Variants in LRRTM4 observed in about 807,000 individuals in gnomAD.
LRRTM4 encodes leucine-rich repeat transmembrane neuronal protein 4.
Under a neutral mutation model 47.6 loss-of-function variants are expected in LRRTM4, and 25 were observed. The ratio of observed to expected loss-of-function variants is 0.53; its 90% CI spans 0.38 to 0.73. The LOEUF (loss-of-function observed/expected upper bound fraction) is 0.73, where lower values mean the gene tolerates loss of function less well. Ranked by LOEUF, LRRTM4 falls within the 30% of genes least tolerant of loss-of-function variation. The probability of loss-of-function intolerance (pLI) is 0.00; values close to 1 mark genes in which losing one functional copy is unlikely to be tolerated. For missense variants in LRRTM4, 638 were observed against 713.4 expected, an observed-to-expected ratio of 0.89 and a Z score of 1.20; for synonymous variants, 311 against 269.5, an observed-to-expected ratio of 1.15 and a Z score of -1.51.
At chr2:77,275,810 A>G (rs1402438204) in intron 3 of LRRTM4, among the ~76,000 whole-genome samples, 1 of 152,084 alleles carries the variant, frequency 6.6e-6, no homozygotes, top group African/African-American at 2.4e-5. Flanking sequence ...AAAGAGATAA[A>G]TAATATAGAT....
At chr2:76,797,895 C>T (rs1197972393) in intron 3 of LRRTM4, among the ~76,000 whole-genome samples, 1 of 151,448 alleles carries the variant, frequency 6.6e-6, no homozygotes, top group Non-Finnish European at 1.5e-5. Flanking sequence ...GTAAAGGGAT[C>T]AATTCAACAA....
At chr2:77,243,904 A>G (rs1206701663) in intron 3 of LRRTM4, among the ~76,000 whole-genome samples, 6 of 136,438 alleles carry the variant, frequency 4.4e-5, no homozygotes, top group South Asian at 2.4e-4. Context: ...ATATCTCCCA[A>G]TGCTATCCCT....
At chr2:76,784,791 TTTTA>T (rs77563729) in intron 3 of LRRTM4, among the ~76,000 whole-genome samples, 18,522 of 152,086 alleles carry the variant, frequency 0.12, 1,426 homozygotes, top group Non-Finnish European at 0.18. Flanking sequence ...TTGTATGGTT[TTTTA>T]TTTATTTGTT....
intron 3 of LRRTM4, among the ~76,000 whole-genome samples, chr2:77,177,044 A>G (rs4396753): frequency 0.68 from 103,411 of 152,076 alleles, 35,561 homozygotes; most frequent in African/African-American, 0.8. Flanking sequence ...CCCTTTCCTA[A>G]GAAACTCATA....
chr2:77,073,676 G>A (rs972251453), intron 3 of LRRTM4, among the ~76,000 whole-genome samples: 2 of 152,018 alleles, frequency 1.3e-5, no homozygotes, highest in Middle Eastern at 3.2e-3. Context: ...GGTATAATGA[G>A]TGAATGTGAA....
intron 3 of LRRTM4, among the ~76,000 whole-genome samples, chr2:76,881,853 C>T (rs937138359): frequency 5.9e-5 from 9 of 152,068 alleles, no homozygotes; most frequent in African/African-American, 2.2e-4. Context: ...TATTCTAACA[C>T]TGAACTTTTT....
Position 77,182,552 on chromosome 2 carries a change from T to TA in LRRTM4, c.1551+335765dup, listed in dbSNP as rs112529374. 5.7e-4 allele frequency among the ~76,000 whole-genome samples: 86 copies of TA among 151,914 alleles called. 1 individual carries two copies. The highest frequency in any genetic ancestry group is 1.7e-3 in the African/African-American group (69 of 41,444). On this transcript the variant is annotated intron_variant, in intron 3 of 3. Coordinates refer to ENST00000409884, the MANE Select transcript of LRRTM4 (RefSeq NM_001134745.3). ...TGTATCCTGGAACTTAAAGTAAAAT[T>TA]AAAAAAAACATAATAGCTTAAGGAG... is the stretch of plus-strand genomic sequence containing the variant.
At chr2:76,926,182 G>A (rs1003281642) in intron 3 of LRRTM4, among the ~76,000 whole-genome samples, 3 of 152,120 alleles carry the variant, frequency 2.0e-5, no homozygotes, top group African/African-American at 7.2e-5. Context: ...TATTTAAAGT[G>A]ATTGAGGAAA....
intron 3 of LRRTM4, among the ~76,000 whole-genome samples, chr2:77,218,474 A>G (rs1240569784): frequency 2.6e-5 from 4 of 151,898 alleles, no homozygotes. Context: ...ATCTCTCTTA[A>G]TGCCATATAC....
In LRRTM4 at chr2:77,061,513, G is replaced by A. The variant is rs370351381; in HGVS notation, c.1552-312597C>T. On this transcript the variant is annotated intron_variant, in intron 3 of 3. Transcript: ENST00000409884. ...CAGCGCTGCTTTAGCCTGTTGTATC[G>A]CATCAATCTTAGGGGTCATGACAAA... Among the ~76,000 whole-genome samples the A allele has an allele frequency of 5.9e-5, 9 of 152,118 alleles. No individual in the cohort carries two copies. The South Asian group carries it at 1.2e-3, about 21-fold the overall frequency.
At chr2:77,152,192 C>T (rs2103787191) in intron 3 of LRRTM4, among the ~76,000 whole-genome samples, 1 of 152,266 alleles carries the variant, frequency 6.6e-6, no homozygotes, top group Non-Finnish European at 1.5e-5. Context: ...ACTACTGTCT[C>T]ATGGACATTG....
chr2:77,224,915 G>A (rs1287621843), intron 3 of LRRTM4, among the ~76,000 whole-genome samples: 2 of 152,026 alleles, frequency 1.3e-5, no homozygotes, highest in East Asian at 3.9e-4. Flanking sequence ...ACATGCACAC[G>A]TATGTTTGTT....
At chr2:77,300,169 T>G (rs1340576778) in intron 3 of LRRTM4, among the ~76,000 whole-genome samples, 1 of 152,096 alleles carries the variant, frequency 6.6e-6, no homozygotes, top group Non-Finnish European at 1.5e-5. Flanking sequence ...TTTTAAAAGT[T>G]TATTTCAAGC....
intron 3 of LRRTM4, among the ~76,000 whole-genome samples, chr2:77,328,587 G>A (rs1396975709): frequency 6.6e-6 from 1 of 152,102 alleles, no homozygotes; most frequent in African/African-American, 2.4e-5. Flanking sequence ...AAGGATTAGA[G>A]CTTTGCCATG....
At chr2:77,091,023 C>T (rs970811265) in intron 3 of LRRTM4, among the ~76,000 whole-genome samples, 3 of 152,022 alleles carry the variant, frequency 2.0e-5, no homozygotes, top group South Asian at 2.1e-4. Context: ...TGGGTATTGA[C>T]GGCCAGGCTT....
chr2:77,042,761 G>A (rs887474694), intron 3 of LRRTM4, among the ~76,000 whole-genome samples: 2 of 151,676 alleles, frequency 1.3e-5, no homozygotes, highest in African/African-American at 2.4e-5. Context: ...TCCAGTGCTA[G>A]AACTGTGATG....
At chr2:77,094,659 T>C (rs2103896253) in intron 3 of LRRTM4, among the ~76,000 whole-genome samples, 1 of 152,318 alleles carries the variant, frequency 6.6e-6, no homozygotes. Context: ...TTTTACAGCA[T>C]TCTCCCAAAC....
chr2:77,407,721 T>G (rs941228472), intron 3 of LRRTM4, among the ~76,000 whole-genome samples: 1 of 115,698 alleles, frequency 8.6e-6, no homozygotes, highest in Admixed American at 8.2e-5. Context: ...TCATATATTA[T>G]ATTATATATT....
At chr2:76,795,118 T>A (rs552628081) in intron 3 of LRRTM4, among the ~76,000 whole-genome samples, 1 of 152,112 alleles carries the variant, frequency 6.6e-6, no homozygotes, top group East Asian at 1.9e-4. Flanking sequence ...ACCGAGAGAT[T>A]TACTAACAAT....
Sources: gnomAD v4.1 joint callset for allele counts (sites outside exome capture counted in the v4.1 genomes callset) on GRCh38, gnomAD v4.1.1 for gene constraint, MANE v1.5 for transcripts, NCBI Gene and HGNC (gene_info 2026-07-23, HGNC 2026-07-21) for gene names.